The following SLC26A4 variants were observed in gnomAD, a reference collection of about 807,000 sequenced individuals.
SLC26A4 encodes solute carrier family 26 member 4, also known as pendrin.
In SLC26A4, 93 loss-of-function variants were observed where a neutral mutation model predicts 90.4. The ratio of observed to expected loss-of-function variants is 1.03; its 90% CI spans 0.87 to 1.22. SLC26A4 has a LOEUF of 1.22. Ranked by LOEUF, SLC26A4 falls within the 50% of genes most tolerant of loss-of-function variation. SLC26A4 has a pLI of 0.00. For missense variants in SLC26A4, 1,127 were observed against 946.2 expected (o/e 1.19, Z -2.51); for synonymous variants, 393 against 354.6 (o/e 1.11, Z -1.22).
chr7:107,693,172 A>C, intron 10 of SLC26A4: 1 of 363,732 alleles, frequency 2.7e-6, no homozygotes, highest in Non-Finnish European at 3.8e-6. Context: ...GATATGAAGG[A>C]AAGCGAAGAG....
intron 10 of SLC26A4, 35 bp from the exon 11 acceptor site, chr7:107,694,368 A>C: frequency 1.3e-6 from 2 of 1,555,520 alleles, no homozygotes; most frequent in Non-Finnish European, 1.8e-6. Flanking sequence ...AGGGAGAAGG[A>C]CGAATCCTTT....
Position 107,661,936 on chromosome 7 carries a change from A to C in SLC26A4, c.164+131A>C. 9.6e-7 allele frequency: 1 copy of C among 1,043,996 alleles called. No individual in the cohort carries two copies. Among genetic ancestry groups the C allele is most frequent in the Non-Finnish European group, 1.4e-6 (1 of 740,120 alleles). The allele number at this position is 1,043,996 out of a possible 1,614,324, so 64.7% of individuals were successfully genotyped here. A position where few individuals can be genotyped will look rare whatever the true frequency, so the allele number is the denominator to read the frequency against. ...CCCCTGGGCGCCAGCTGCTTCTCCC[A>C]GAGGCCCGACTTTCGGTCTCCGGTC... is the stretch of plus-strand genomic sequence containing the variant. On this transcript the variant is annotated intron_variant, in intron 2 of 20. Coordinates refer to ENST00000644269, the MANE Select transcript of SLC26A4 (RefSeq NM_000441.2). The surrounding 1 kb of genome is among the most constrained non-coding windows in gnomAD (Gnocchi z 5.1).
At position 107,694,728 on chromosome 7, in the gene SLC26A4, A is replaced by G; in HGVS notation, c.1437+12A>G. 2 of 1,537,704 alleles carry G rather than the reference A, an allele frequency of 1.3e-6. No individual in the cohort carries two copies. The highest frequency in any genetic ancestry group is 9.0e-7 in the Non-Finnish European group (1 of 1,110,450). ...ATAAGATTGATGCTGTAAGTCACCT[A>G]CCACCTATATTTATCTGAAATAAGA... is the stretch of plus-strand genomic sequence containing the variant. On this transcript the variant is annotated intron_variant, in intron 12 of 20. Coordinates refer to ENST00000644269, the MANE Select transcript of SLC26A4 (RefSeq NM_000441.2).
Position 107,715,695 on chromosome 7 carries a change from C to A in SLC26A4, c.*249C>A. ...GCTGGTGTTATAATACGCTGCTGAT[C>A]TACATCACAGATTTGCTAATAATGT... On this transcript the variant is annotated 3_prime_UTR_variant, in exon 21 of 21. Transcript: ENST00000644269. The A allele has an allele frequency of 9.1e-6, 5 of 550,538 alleles. No individual in the cohort carries two copies. The highest frequency in any genetic ancestry group is 1.6e-5 in the Non-Finnish European group (5 of 307,520). The allele number at this position is 550,538 out of a possible 1,614,324, so 34.1% of individuals were successfully genotyped here.
At chr7:107,677,306 C>A (rs1791051369) in intron 6 of SLC26A4, among the ~76,000 whole-genome samples, 1 of 152,218 alleles carries the variant, frequency 6.6e-6, no homozygotes, top group Non-Finnish European at 1.5e-5. Flanking sequence ...TTATACTCAA[C>A]TTCCCTAAGC....
intron 20 of SLC26A4, among the ~76,000 whole-genome samples, 159 bp from the exon 21 acceptor site, chr7:107,715,264 C>T (rs546435428): frequency 6.0e-5 from 9 of 149,976 alleles, no homozygotes; most frequent in South Asian, 2.1e-4. Flanking sequence ...ATAATGAATA[C>T]GAAATGAAGT....
chr7:107,707,416 T>C, intron 18 of SLC26A4, among the ~76,000 whole-genome samples: 1 of 152,210 alleles, frequency 6.6e-6, no homozygotes, highest in South Asian at 2.1e-4. Flanking sequence ...ATTCTTCCCA[T>C]ATAACTCTTT....
intron 20 of SLC26A4, among the ~76,000 whole-genome samples, chr7:107,714,815 A>T (rs1277514221): frequency 6.6e-6 from 1 of 152,208 alleles, no homozygotes; most frequent in Non-Finnish European, 1.5e-5. Context: ...AGTAGTAATA[A>T]TACCACAGAG....
chr7:107,684,035 G>C (rs1791328730), intron 8 of SLC26A4, among the ~76,000 whole-genome samples: 1 of 152,178 alleles, frequency 6.6e-6, no homozygotes, highest in South Asian at 2.1e-4. Context: ...AATTAGAAGA[G>C]TAAAAGATCA....
At chr7:107,670,660 A>G (rs1790840655) in intron 3 of SLC26A4, among the ~76,000 whole-genome samples, 1 of 152,142 alleles carries the variant, frequency 6.6e-6, no homozygotes, top group Non-Finnish European at 1.5e-5. Context: ...GATAAGTAAT[A>G]TTGAGTGTGT....
chr7:107,703,974 A>G (rs1488980167), intron 17 of SLC26A4, among the ~76,000 whole-genome samples: 1 of 152,188 alleles, frequency 6.6e-6, no homozygotes, highest in Non-Finnish European at 1.5e-5. Context: ...TTTTAGGTCA[A>G]TAGTAACATT....
At chr7:107,682,538 T>C (rs368550236) in intron 6 of SLC26A4, among the ~76,000 whole-genome samples, 1 of 152,296 alleles carries the variant, frequency 6.6e-6, no homozygotes, top group Admixed American at 6.5e-5. Flanking sequence ...TGTATCCACA[T>C]ATGAAGTATT....
intron 13 of SLC26A4, 117 bp downstream of exon 13, chr7:107,696,156 A>T (rs1791737864): frequency 1.3e-6 from 1 of 765,676 alleles, no homozygotes; most frequent in African/African-American, 1.7e-5. Context: ...CTGTATATTG[A>T]GTGCTTCTAT....
intron 3 of SLC26A4, among the ~76,000 whole-genome samples, chr7:107,665,768 T>C (rs895739750): frequency 6.6e-6 from 1 of 152,252 alleles, no homozygotes; most frequent in Non-Finnish European, 1.5e-5. Context: ...GGTAGGTCTA[T>C]TATTATTTCA....
At position 107,715,685 on chromosome 7, in the gene SLC26A4, C is replaced by A. The variant is rs113516368; in HGVS notation, c.*239C>A. The stretch of plus-strand genomic sequence containing the variant: ...TCCAGGGTAAGCTGGTGTTATAATA[C>A]GCTGCTGATCTACATCACAGATTTG... On this transcript the variant is annotated 3_prime_UTR_variant, in exon 21 of 21. Transcript: ENST00000644269. 1.8e-6 allele frequency: 1 copy of A among 564,840 alleles called. No individual in the cohort carries two copies. The highest frequency in any genetic ancestry group is 3.2e-6 in the Non-Finnish European group (1 of 316,330). The allele number at this position is 564,840 out of a possible 1,614,324, so 35.0% of individuals were successfully genotyped here.
intron 3 of SLC26A4, 51 bp downstream of exon 3, chr7:107,663,486 T>G: frequency 6.2e-7 from 1 of 1,601,216 alleles, no homozygotes; most frequent in Non-Finnish European, 8.6e-7. Flanking sequence ...AGTTTAACAC[T>G]TCTCCCCAGC....
intron 10 of SLC26A4, among the ~76,000 whole-genome samples, chr7:107,691,548 CAT>C (rs35766469): frequency 0.67 from 97,048 of 143,858 alleles, 33,381 homozygotes; most frequent in East Asian, 0.97. Flanking sequence ...CACACACAAA[CAT>C]ATATATATAT....
chr7:107,680,219 A>G (rs191120086), intron 6 of SLC26A4, among the ~76,000 whole-genome samples: 191 of 126,336 alleles, frequency 1.5e-3, no homozygotes, highest in Non-Finnish European at 2.2e-3. Flanking sequence ...TAATCTTATA[A>G]TATAATCTTA....
intron 8 of SLC26A4, among the ~76,000 whole-genome samples, chr7:107,685,649 A>G (rs1284972974): frequency 6.6e-6 from 1 of 152,138 alleles, no homozygotes; most frequent in Admixed American, 6.5e-5. Flanking sequence ...GAAACATACA[A>G]CTTTTCCTTG....
Sources: allele counts gnomAD v4.1 joint callset (sites outside exome capture counted in the v4.1 genomes callset), GRCh38; gene constraint gnomAD v4.1.1; non-coding constraint Gnocchi (gnomAD v3.1); transcripts MANE v1.5; gene names NCBI Gene and HGNC (gene_info 2026-07-23, HGNC 2026-07-21).